The following ERBB4 variants were observed in gnomAD, a reference collection of about 807,000 sequenced individuals.
ERBB4 encodes erb-b2 receptor tyrosine kinase 4.
Under a neutral mutation model 158.0 loss-of-function variants are expected in ERBB4, and 42 were observed. That is an observed-to-expected ratio of 0.27 (90% CI 0.21 to 0.34). The LOEUF (loss-of-function observed/expected upper bound fraction) is 0.34, where lower values mean the gene tolerates loss of function less well. ERBB4 is among the 10% of genes least tolerant of loss of function. ERBB4 has a pLI of 1.00. For missense variants in ERBB4, 1,333 were observed against 1,624.1 expected, an observed-to-expected ratio of 0.82 and a Z score of 3.08; for synonymous variants, 583 against 558.7, an observed-to-expected ratio of 1.04 and a Z score of -0.61.
At chr2:212,085,923 G>A (rs560940536) in intron 2 of ERBB4, among the ~76,000 whole-genome samples, 1 of 151,740 alleles carries the variant, frequency 6.6e-6, no homozygotes, top group African/African-American at 2.4e-5. Flanking sequence ...AGATAAGAAG[G>A]GATATAACAC....
chr2:211,769,010 T>A (rs886975615), intron 4 of ERBB4, among the ~76,000 whole-genome samples: 1 of 152,208 alleles, frequency 6.6e-6, no homozygotes, highest in East Asian at 1.9e-4. Flanking sequence ...ACAATATCTT[T>A]GTGAATGCAT....
intron 2 of ERBB4, among the ~76,000 whole-genome samples, chr2:211,958,937 T>A (rs959072622): frequency 3.3e-5 from 5 of 151,974 alleles, no homozygotes; most frequent in African/African-American, 1.2e-4. Context: ...TTAGGTGCCT[T>A]CTCTTAGATG....
intron 1 of ERBB4, among the ~76,000 whole-genome samples, chr2:212,174,678 T>C (rs1166201153): frequency 2.0e-5 from 3 of 152,050 alleles, no homozygotes; most frequent in South Asian, 2.1e-4. Flanking sequence ...TGGTGAAATA[T>C]GAGGAAGCTA....
chr2:211,906,210 A>C (rs1186720471), intron 3 of ERBB4, among the ~76,000 whole-genome samples: 1 of 152,170 alleles, frequency 6.6e-6, no homozygotes, highest in African/African-American at 2.4e-5. Context: ...TGATTGTACC[A>C]TAGTGGAAGC....
chr2:212,261,320 T>G lies in ERBB4; in HGVS notation c.83-136417A>C, dbSNP rs373840459. On this transcript the variant is annotated intron_variant, in intron 1 of 27. Coordinates refer to ENST00000342788, the MANE Select transcript of ERBB4 (RefSeq NM_005235.3). ...AAGAAATGAGGAATGCTCAGTGGTT[T>G]AAAATTCAGATGACGACGAACAACT... is the stretch of plus-strand genomic sequence containing the variant. Among the ~76,000 whole-genome samples, 5 of 152,304 alleles carry G rather than the reference T, an allele frequency of 3.3e-5. No homozygotes were observed. In the South Asian group the frequency reaches 1.0e-3, roughly 32 times the overall value.
intron 2 of ERBB4, among the ~76,000 whole-genome samples, chr2:212,094,126 A>T (rs2078859180): frequency 6.6e-6 from 1 of 151,980 alleles, no homozygotes; most frequent in South Asian, 2.1e-4. Context: ...CCCTATGTTG[A>T]GGTGGGGCCT....
chr2:212,243,341 T>A (rs17345976), intron 1 of ERBB4, among the ~76,000 whole-genome samples: 23,363 of 152,162 alleles, frequency 0.15, 2,203 homozygotes, highest in Non-Finnish European at 0.2. Flanking sequence ...AGGTTATTAT[T>A]TCTAGCAGAA....
chr2:211,638,978 T>C (rs1238882394), intron 16 of ERBB4, among the ~76,000 whole-genome samples: 4 of 152,152 alleles, frequency 2.6e-5, no homozygotes, highest in Non-Finnish European at 5.9e-5. Context: ...AGAATATATA[T>C]AATCTATCTA....
intron 20 of ERBB4, among the ~76,000 whole-genome samples, chr2:211,468,731 A>G (rs1309147181): frequency 6.6e-6 from 1 of 152,064 alleles, no homozygotes; most frequent in African/African-American, 2.4e-5. Context: ...TGGGATTACT[A>G]CTTTACACCT....
At chr2:211,758,776 G>T (rs940539948) in intron 4 of ERBB4, among the ~76,000 whole-genome samples, 1 of 152,216 alleles carries the variant, frequency 6.6e-6, no homozygotes, top group Non-Finnish European at 1.5e-5. Flanking sequence ...TTGGAGGTGT[G>T]CAGTGCACAA....
rs139559913 is a variant in ERBB4 at position 212,519,744 on chromosome 2, T to A, written c.82+18705A>T. 1.2e-4 allele frequency among the ~76,000 whole-genome samples: 18 copies of A among 151,760 alleles called. No individual in the cohort carries two copies. The East Asian group carries it at 3.5e-3, about 29-fold the overall frequency. ...AGCTCATAATAGTGGAGAGTAGAAT[T>A]TTGGTTATTGGAGGCTGGGAAGAAT... is the stretch of plus-strand genomic sequence containing the variant. On this transcript the variant is annotated intron_variant, in intron 1 of 27. Coordinates refer to ENST00000342788, the MANE Select transcript of ERBB4 (RefSeq NM_005235.3).
chr2:211,897,033 A>G (rs957596857), intron 3 of ERBB4, among the ~76,000 whole-genome samples: 12 of 150,494 alleles, frequency 8.0e-5, no homozygotes, highest in African/African-American at 2.7e-4. Context: ...CATGCCCTGT[A>G]ATTATTATTA....
At chr2:211,566,414 G>A (rs1412536510) in intron 19 of ERBB4, among the ~76,000 whole-genome samples, 1 of 152,130 alleles carries the variant, frequency 6.6e-6, no homozygotes, top group Non-Finnish European at 1.5e-5. Context: ...CTGCTTGGGG[G>A]GCCAGGGTTT....
At chr2:211,384,984 A>AT (rs1452188473) in intron 27 of ERBB4, among the ~76,000 whole-genome samples, 1 of 152,038 alleles carries the variant, frequency 6.6e-6, no homozygotes, top group East Asian at 1.9e-4. Context: ...ACACGCATGT[A>AT]TTGTAAGTCC....
chr2:211,651,774 G>T (rs779865652), intron 16 of ERBB4, among the ~76,000 whole-genome samples: 18 of 152,270 alleles, frequency 1.2e-4, no homozygotes, highest in Admixed American at 3.9e-4. Context: ...GGGAGCCTCA[G>T]TTCTACAACT....
intron 20 of ERBB4, among the ~76,000 whole-genome samples, chr2:211,526,982 A>G (rs932464431): frequency 6.6e-6 from 1 of 152,122 alleles, no homozygotes; most frequent in African/African-American, 2.4e-5. Flanking sequence ...TCTAAGAGTT[A>G]TTGGCCTTAA....
chr2:212,253,035 T>C (rs560213328), intron 1 of ERBB4, among the ~76,000 whole-genome samples: 59 of 152,294 alleles, frequency 3.9e-4, no homozygotes, highest in African/African-American at 1.3e-3. Flanking sequence ...TATGTTTACA[T>C]TGAGAAAAGT....
intron 3 of ERBB4, among the ~76,000 whole-genome samples, chr2:211,935,156 T>C (rs1194423759): frequency 4.6e-5 from 7 of 152,142 alleles, no homozygotes. Context: ...TGTGGTATAT[T>C]ACTTAATATT....
intron 3 of ERBB4, among the ~76,000 whole-genome samples, chr2:211,881,595 T>TGG (rs1169233370): frequency 6.1e-4 from 5 of 8,162 alleles, no homozygotes; most frequent in African/African-American, 3.3e-3. Context: ...AAGATTGGGG[T>TGG]GGGGGTCGGG....
Sources: gnomAD v4.1 joint callset for allele counts (sites outside exome capture counted in the v4.1 genomes callset) on GRCh38, gnomAD v4.1.1 for gene constraint, MANE v1.5 for transcripts, NCBI Gene and HGNC (gene_info 2026-07-23, HGNC 2026-07-21) for gene names.